Variants in GAS2 observed in about 807,000 individuals in gnomAD.
GAS2 encodes growth arrest specific 2, also known as growth arrest-specific protein 2.
In GAS2, 20 loss-of-function variants were observed where a neutral mutation model predicts 37.5. The ratio of observed to expected loss-of-function variants is 0.53; its 90% CI spans 0.37 to 0.77. GAS2 has a LOEUF of 0.77. GAS2 is among the 30% of genes least tolerant of loss of function. The pLI is 0.00. For missense variants in GAS2, 336 were observed against 373.4 expected, an observed-to-expected ratio of 0.90 and a Z score of 0.82; for synonymous variants, 144 against 132.2, an observed-to-expected ratio of 1.09 and a Z score of -0.61.
At chr11:22,654,752 A>G (rs1268680128) in intron 1 of GAS2, among the ~76,000 whole-genome samples, 2 of 152,184 alleles carry the variant, frequency 1.3e-5, no homozygotes, top group East Asian at 1.9e-4. Context: ...ATGACAATGA[A>G]TAATGAATAA....
At chr11:22,711,215 A>G (rs1851388486) in intron 3 of GAS2, among the ~76,000 whole-genome samples, 1 of 152,200 alleles carries the variant, frequency 6.6e-6, no homozygotes, top group Admixed American at 6.5e-5. Flanking sequence ...AAAAATCCTG[A>G]TCATGGGAGA....
intron 7 of GAS2, among the ~76,000 whole-genome samples, chr11:22,806,212 G>T (rs1487788258): frequency 6.6e-6 from 1 of 152,068 alleles, no homozygotes; most frequent in East Asian, 1.9e-4. Flanking sequence ...ATCTTTCTGT[G>T]CCTGGCTTCT....
chr11:22,798,849 C>T (rs992862587), intron 7 of GAS2, among the ~76,000 whole-genome samples: 1 of 152,072 alleles, frequency 6.6e-6, no homozygotes, highest in African/African-American at 2.4e-5. Flanking sequence ...TCTCACTCCT[C>T]CATGTGTCAA....
At chr11:22,638,585 A>G (rs953683643) in intron 1 of GAS2, among the ~76,000 whole-genome samples, 1 of 152,008 alleles carries the variant, frequency 6.6e-6, no homozygotes, top group African/African-American at 2.4e-5. Context: ...ACCTCAAATG[A>G]TCCTCCTGCC....
chr11:22,782,767 T>C (rs1360268668), intron 7 of GAS2, among the ~76,000 whole-genome samples: 1 of 28,740 alleles, frequency 3.5e-5, no homozygotes, highest in Non-Finnish European at 8.1e-5. Flanking sequence ...GATTTTGTTC[T>C]TTTTTTTTTT....
At chr11:22,649,638 A>G (rs1848747157) in intron 1 of GAS2, among the ~76,000 whole-genome samples, 2 of 152,294 alleles carry the variant, frequency 1.3e-5, no homozygotes, top group African/African-American at 4.8e-5. Context: ...TTCCTGGTTT[A>G]GTCTTGGGAG....
At chr11:22,648,491 T>A (rs2133827391) in intron 1 of GAS2, among the ~76,000 whole-genome samples, 1 of 152,292 alleles carries the variant, frequency 6.6e-6, no homozygotes, top group East Asian at 1.9e-4. Context: ...GGGGATGGCA[T>A]TGAATCTGTA....
intron 7 of GAS2, among the ~76,000 whole-genome samples, chr11:22,761,350 C>T: frequency 6.6e-6 from 1 of 152,118 alleles, no homozygotes; most frequent in Non-Finnish European, 1.5e-5. Flanking sequence ...GTGAATAGAA[C>T]ATCTATGTGA....
rs1323444803 is a variant in GAS2, at chr11:22,653,258, A to G, written c.-20-21592A>G. On this transcript the variant is annotated intron_variant, in intron 1 of 5. Transcript: ENST00000528582. ...AATATTCTCACATATAAGTACTCAG[A>G]AAAAAAGAGAGCTGTTATCATTTAG... Among the ~76,000 whole-genome samples, 5 of 152,084 alleles carry G rather than the reference A, an allele frequency of 3.3e-5. No individual in the cohort carries two copies. In the East Asian group the frequency reaches 9.6e-4, roughly 29 times the overall value.
chr11:22,776,811 A>G (rs1855284236), intron 7 of GAS2, among the ~76,000 whole-genome samples: 1 of 152,136 alleles, frequency 6.6e-6, no homozygotes, highest in Non-Finnish European at 1.5e-5. Flanking sequence ...TTATTAAATG[A>G]TGAGATTCAC....
chr11:22,652,437 G>T (rs886394450), intron 1 of GAS2, among the ~76,000 whole-genome samples: 1 of 152,328 alleles, frequency 6.6e-6, no homozygotes, highest in East Asian at 1.9e-4. Context: ...CTTGAGCTGT[G>T]GTGGGCTCCA....
intron 3 of GAS2, among the ~76,000 whole-genome samples, chr11:22,697,650 G>T (rs1323999329): frequency 1.3e-5 from 2 of 152,062 alleles, no homozygotes; most frequent in African/African-American, 4.8e-5. Context: ...TCCTTGAAGA[G>T]GTCCTTCACG....
At chr11:22,651,338 G>A (rs1254208089) in intron 1 of GAS2, among the ~76,000 whole-genome samples, 1 of 152,190 alleles carries the variant, frequency 6.6e-6, no homozygotes, top group Non-Finnish European at 1.5e-5. Context: ...CTTTCGCTCA[G>A]ACTGCCCTTA....
intron 2 of GAS2, among the ~76,000 whole-genome samples, chr11:22,681,038 G>A (rs1233292187): frequency 2.6e-5 from 4 of 152,108 alleles, no homozygotes; most frequent in Non-Finnish European, 4.4e-5. Flanking sequence ...AACAGTACTT[G>A]ACATATAATA....
chr11:22,769,884 G>C (rs1854886159), intron 7 of GAS2, among the ~76,000 whole-genome samples: 1 of 152,204 alleles, frequency 6.6e-6, no homozygotes, highest in Non-Finnish European at 1.5e-5. Context: ...GTAACTTTCT[G>C]AGGGTAAATA....
upstream of GAS2, among the ~76,000 whole-genome samples, chr11:22,666,250 A>C (rs898550279): frequency 1.3e-5 from 2 of 152,252 alleles, no homozygotes; most frequent in African/African-American, 4.8e-5. Context: ...CTCTTCTAAA[A>C]ATCTGATATT....
intron 6 of GAS2, among the ~76,000 whole-genome samples, chr11:22,754,037 T>C (rs1014030922): frequency 5.9e-5 from 9 of 152,070 alleles, no homozygotes; most frequent in African/African-American, 1.9e-4. Context: ...AATCTATTAG[T>C]GTTGGGGTGA....
chr11:22,798,983 G>A (rs1384022139), intron 7 of GAS2, among the ~76,000 whole-genome samples: 1 of 152,096 alleles, frequency 6.6e-6, no homozygotes, highest in African/African-American at 2.4e-5. Flanking sequence ...TTCCTCTGGA[G>A]AGCAGATGAC....
chr11:22,659,601 C>A (rs139697245), intron 1 of GAS2, among the ~76,000 whole-genome samples: 2 of 152,258 alleles, frequency 1.3e-5, no homozygotes, highest in African/African-American at 4.8e-5. Flanking sequence ...TGACTTAATT[C>A]TCTGTGATGT....
Sources: gnomAD v4.1 joint callset for allele counts (sites outside exome capture counted in the v4.1 genomes callset) on GRCh38, gnomAD v4.1.1 for gene constraint, MANE v1.5 for transcripts, NCBI Gene and HGNC (gene_info 2026-07-23, HGNC 2026-07-21) for gene names.